Variants in POU2AF2 observed in about 807,000 individuals in gnomAD.
The protein encoded by POU2AF2 is POU domain class 2-associating factor 2.
At chr11:111,283,980 A>C in the POU2AF2 span, 1 of 1,111,030 alleles carries the variant, frequency 9.0e-7, no homozygotes, top group Non-Finnish European at 1.3e-6. Context: ...GGCACGCGTT[A>C]GTAACATCGT....
chr11:111,284,473 C>A, the POU2AF2 span: 2 of 1,381,656 alleles, frequency 1.4e-6, no homozygotes, highest in South Asian at 1.5e-5. Flanking sequence ...GAAGCCAGGT[C>A]TGGCTCACCC....
the POU2AF2 span, chr11:111,281,404 G>A: frequency 3.3e-5 from 53 of 1,612,294 alleles, no homozygotes; most frequent in Middle Eastern, 3.3e-4. Flanking sequence ...CCAGGGCAGC[G>A]TCAGTTCCTC....
At chr11:111,275,892 A>G in the POU2AF2 span, among the ~76,000 whole-genome samples, 1 of 152,236 alleles carries the variant, frequency 6.6e-6, no homozygotes, top group South Asian at 2.1e-4. Flanking sequence ...CAAATTAACT[A>G]CAGTTGAATA....
At chr11:111,252,992 A>G in the POU2AF2 span, among the ~76,000 whole-genome samples, 1 of 152,194 alleles carries the variant, frequency 6.6e-6, no homozygotes, top group African/African-American at 2.4e-5. Flanking sequence ...AAAGTAAGAG[A>G]TGTTTTTCTG....
At chr11:111,252,652 A>G in the POU2AF2 span, among the ~76,000 whole-genome samples, 6 of 151,358 alleles carry the variant, frequency 4.0e-5, no homozygotes, top group Admixed American at 4.0e-4. Flanking sequence ...CCTTGACCTT[A>G]ATTTCTTTCT....
the POU2AF2 span, among the ~76,000 whole-genome samples, chr11:111,278,954 T>A: frequency 6.6e-6 from 1 of 152,222 alleles, no homozygotes; most frequent in Non-Finnish European, 1.5e-5. Context: ...ATGGAGAGAA[T>A]GTAATCATTG....
the POU2AF2 span, among the ~76,000 whole-genome samples, chr11:111,274,207 T>C: frequency 1.3e-5 from 2 of 152,150 alleles, no homozygotes; most frequent in Non-Finnish European, 2.9e-5. Flanking sequence ...ATCTTACCAG[T>C]GGCACCCTTC....
chr11:111,278,809 A>G, the POU2AF2 span, among the ~76,000 whole-genome samples: 2 of 152,232 alleles, frequency 1.3e-5, no homozygotes, highest in Non-Finnish European at 2.9e-5. Flanking sequence ...ATAAAGACCA[A>G]AGGGATTAGA....
the POU2AF2 span, among the ~76,000 whole-genome samples, chr11:111,251,913 G>T: frequency 2.0e-5 from 3 of 152,208 alleles, no homozygotes; most frequent in Non-Finnish European, 4.4e-5. Context: ...CAGAAGTTTT[G>T]ATCTGGATAT....
chr11:111,283,648 A>G, the POU2AF2 span, among the ~76,000 whole-genome samples: 1 of 152,178 alleles, frequency 6.6e-6, no homozygotes, highest in Non-Finnish European at 1.5e-5. Context: ...ATCCAGACAT[A>G]GCGATCTCAG....
At chr11:111,286,147 T>C in the POU2AF2 span, 1 of 1,440,982 alleles carries the variant, frequency 6.9e-7, no homozygotes, top group Non-Finnish European at 9.4e-7. Flanking sequence ...GACTGGATTT[T>C]CAGAATAAGC....
chr11:111,272,040 G>A, the POU2AF2 span, among the ~76,000 whole-genome samples: 1 of 152,102 alleles, frequency 6.6e-6, no homozygotes, highest in Non-Finnish European at 1.5e-5. Context: ...TTTATAACCT[G>A]GTTCCTGCAT....
chr11:111,282,346 T>C, the POU2AF2 span, among the ~76,000 whole-genome samples: 307 of 152,358 alleles, frequency 2.0e-3, 2 homozygotes, highest in Middle Eastern at 0.017. Context: ...AAGGTTCAGC[T>C]GCACAGATTT....
the POU2AF2 span, among the ~76,000 whole-genome samples, chr11:111,263,692 A>G: frequency 6.6e-6 from 1 of 152,074 alleles, no homozygotes; most frequent in African/African-American, 2.4e-5. Flanking sequence ...CGGCCTCCCA[A>G]AGTGCTGGGA....
the POU2AF2 span, among the ~76,000 whole-genome samples, chr11:111,265,902 T>TA: frequency 6.6e-6 from 1 of 152,166 alleles, no homozygotes; most frequent in Non-Finnish European, 1.5e-5. Flanking sequence ...AAGCTGTAGT[T>TA]ACCCACATGC....
chr11:111,281,642 C>T, the POU2AF2 span, among the ~76,000 whole-genome samples: 2 of 152,142 alleles, frequency 1.3e-5, no homozygotes, highest in African/African-American at 4.8e-5. Context: ...TGAAAGCAGC[C>T]CTTTTATCCC....
the POU2AF2 span, among the ~76,000 whole-genome samples, chr11:111,261,746 G>A: frequency 1.3e-5 from 2 of 152,024 alleles, no homozygotes; most frequent in Non-Finnish European, 2.9e-5. Context: ...TCTTTTGCTC[G>A]GCTCATTCAT....
the POU2AF2 span, among the ~76,000 whole-genome samples, chr11:111,263,427 C>CTTTTTTTTTTTT: frequency 2.1e-5 from 2 of 96,146 alleles, no homozygotes; most frequent in Non-Finnish European, 4.0e-5. Context: ...TACTGAAGTT[C>CTTTTTTTTTTTT]TTTTTTTTTT....
At chr11:111,285,832 G>A in the POU2AF2 span, 65 of 1,608,742 alleles carry the variant, frequency 4.0e-5, no homozygotes, top group Middle Eastern at 1.7e-4. Flanking sequence ...AGTCATACTC[G>A]CTGCATGCTC....
Sources: allele counts gnomAD v4.1 joint callset (sites outside exome capture counted in the v4.1 genomes callset), GRCh38; gene constraint gnomAD v4.1.1; transcripts MANE v1.5; gene names NCBI Gene and HGNC (gene_info 2026-07-23, HGNC 2026-07-21).